C2CD3: variants seen among roughly 807,000 people sequenced by gnomAD.
C2CD3 encodes the protein C2 domain containing 3 centriole elongation regulator.
C2CD3 carries 148 observed loss-of-function variants against 234.0 expected under a neutral mutation model. The observed-to-expected ratio is 0.63, with a 90% CI of 0.55 to 0.72. C2CD3 has a LOEUF of 0.72. C2CD3 is among the 30% of genes least tolerant of loss of function. C2CD3 has a pLI of 0.00. For synonymous variants in C2CD3, 1,000 were observed against 1,035.4 expected (o/e 0.97, Z 0.66); for missense variants, 2,577 against 2,811.5 (o/e 0.92, Z 1.89).
At position 74,032,736 on chromosome 11, in the gene C2CD3, A is replaced by G. The variant is rs1952573976; in HGVS notation, c.6809+615T>C. ...AAAAATTAGCTGGGTGTGATGCTGC[A>G]TACCTGTAGTTCTAGCTACTTGCAA... On this transcript the variant is annotated intron_variant, in intron 31 of 32. Coordinates refer to ENST00000334126, the MANE Select transcript of C2CD3 (RefSeq NM_001286577.2). Among the ~76,000 whole-genome samples, 2 of 152,054 alleles carry G rather than the reference A, an allele frequency of 1.3e-5. 1 individual carries two copies. Among genetic ancestry groups the G allele is most frequent in the South Asian group, 4.1e-4 (2 of 4,822 alleles).
chr11:74,117,847 A>G (rs1957080931), intron 9 of C2CD3, among the ~76,000 whole-genome samples: 1 of 147,336 alleles, frequency 6.8e-6, no homozygotes, highest in Admixed American at 6.9e-5. Flanking sequence ...TGGGAGGTGG[A>G]GGTTGCGGTG....
intron 6 of C2CD3, 23 bp from the exon 7 acceptor site, chr11:74,132,995 C>T: frequency 1.9e-6 from 3 of 1,611,506 alleles, no homozygotes; most frequent in Non-Finnish European, 2.5e-6. Flanking sequence ...AAAATACTTT[C>T]TCACTGAGTG....
At chr11:74,101,129 C>T (rs1314427493) in intron 14 of C2CD3, among the ~76,000 whole-genome samples, 1 of 152,126 alleles carries the variant, frequency 6.6e-6, no homozygotes, top group South Asian at 2.1e-4. Flanking sequence ...AATAAAATGG[C>T]CAAGTGCCAA....
intron 24 of C2CD3, among the ~76,000 whole-genome samples, chr11:74,062,617 T>G (rs1954299703): frequency 6.6e-6 from 1 of 151,966 alleles, no homozygotes; most frequent in African/African-American, 2.4e-5. Flanking sequence ...TGGGACACAT[T>G]TAAAGCAGTG....
At chr11:74,027,112 T>C (rs115628261) in intron 32 of C2CD3, among the ~76,000 whole-genome samples, 1,964 of 152,132 alleles carry the variant, frequency 0.013, 47 homozygotes, top group African/African-American at 0.045. Flanking sequence ...AGCCTCAGTT[T>C]CCTCATTTAT....
intron 32 of C2CD3, among the ~76,000 whole-genome samples, chr11:74,018,672 G>A (rs1318221983): frequency 4.6e-5 from 7 of 152,096 alleles, no homozygotes; most frequent in Admixed American, 3.9e-4. Flanking sequence ...AGTCTGGCCT[G>A]GACTAGAACT....
At chr11:74,091,491 C>T (rs1226767444) in intron 19 of C2CD3, 4 of 152,362 alleles carry the variant, frequency 2.6e-5, no homozygotes, top group Non-Finnish European at 4.4e-5. Context: ...ATTGTTTTGG[C>T]AGATACTCTT....
intron 15 of C2CD3, among the ~76,000 whole-genome samples, chr11:74,099,530 C>T (rs1279006379): frequency 1.3e-5 from 2 of 152,136 alleles, no homozygotes; most frequent in Admixed American, 6.5e-5. Context: ...AAACACAGAA[C>T]TATGAGAAGG....
chr11:74,104,521 G>A (rs1021672856), intron 13 of C2CD3, among the ~76,000 whole-genome samples: 1 of 152,018 alleles, frequency 6.6e-6, no homozygotes, highest in Admixed American at 6.6e-5. Flanking sequence ...CATGTATGGG[G>A]GGAGGAGATA....
intron 8 of C2CD3, among the ~76,000 whole-genome samples, chr11:74,121,630 G>C: frequency 7.9e-6 from 1 of 127,002 alleles, no homozygotes; most frequent in Non-Finnish European, 1.7e-5. Flanking sequence ...AAAAAAAAAA[G>C]AATTAAACAA....
Position 74,133,499 on chromosome 11 carries a change from T to C in C2CD3, c.1014A>G (p.Ser338=). 1 of 1,614,032 alleles carries C rather than the reference T, an allele frequency of 6.2e-7. No homozygotes were observed. Among genetic ancestry groups the C allele is most frequent in the Non-Finnish European group, 8.5e-7 (1 of 1,179,884 alleles). The change falls in exon 6 of 33, where the codon TCA becomes TCG. Residue 338 remains serine (S), a synonymous_variant. Coordinates refer to ENST00000334126, the MANE Select transcript of C2CD3 (RefSeq NM_001286577.2). ...CCAACAACATGCTGGTCTCTGGGCT[T>C]GATTTCATTGCAGAAATCACCATGG... ...RNAMVISAMK[S]SPETSMLLDQ...
intron 32 of C2CD3, among the ~76,000 whole-genome samples, chr11:74,020,498 C>T (rs1295229931): frequency 1.3e-5 from 2 of 152,200 alleles, no homozygotes; most frequent in African/African-American, 2.4e-5. Flanking sequence ...CTAATATAGG[C>T]AAATGTCATT....
rs1356626353 is a variant in C2CD3 at position 74,132,859 on chromosome 11, TG to T, written c.1201del (p.Gln401SerfsTer4). 3 of 1,613,622 alleles carry T rather than the reference TG, an allele frequency of 1.9e-6. No individual in the cohort carries two copies. The highest frequency in any genetic ancestry group is 2.5e-6 in the Non-Finnish European group (3 of 1,179,854). ...TAGTGCTTACCTGCCTAATAGCAGC[TG>T]TATAGCTCTGGTATCAGCTTTTGTG... The part of the protein sequence containing the change: ...HDTKADTRAI[Q>X]LLLGSAELSQ... On this transcript the variant is annotated frameshift_variant, in exon 7 of 33. Transcript: ENST00000334126. LOFTEE classifies it high-confidence loss of function.
At chr11:74,081,356 C>T (rs1955350149) in intron 22 of C2CD3, among the ~76,000 whole-genome samples, 1 of 152,046 alleles carries the variant, frequency 6.6e-6, no homozygotes, top group African/African-American at 2.4e-5. Context: ...TATCCCATGT[C>T]CTTATTCCTT....
intron 31 of C2CD3, among the ~76,000 whole-genome samples, chr11:74,032,560 T>C (rs1591292040): frequency 6.6e-6 from 1 of 152,274 alleles, no homozygotes; most frequent in Non-Finnish European, 1.5e-5. Context: ...TTTAGCTCCA[T>C]CACTTCCTTT....
intron 24 of C2CD3, among the ~76,000 whole-genome samples, chr11:74,061,500 C>A (rs1263192143): frequency 1.3e-5 from 2 of 152,166 alleles, no homozygotes; most frequent in Non-Finnish European, 2.9e-5. Flanking sequence ...GAATTTTCAA[C>A]CCAGAATTTC....
intron 20 of C2CD3, among the ~76,000 whole-genome samples, chr11:74,086,181 A>G (rs1955633811): frequency 6.6e-6 from 1 of 152,232 alleles, no homozygotes; most frequent in African/African-American, 2.4e-5. Flanking sequence ...ACTCTAGTTG[A>G]ACAAGCTGGG....
intron 3 of C2CD3, among the ~76,000 whole-genome samples, chr11:74,147,226 G>C (rs1855267030): frequency 6.6e-6 from 1 of 152,020 alleles, no homozygotes; most frequent in Non-Finnish European, 1.5e-5. Flanking sequence ...ACCAGCTTGG[G>C]CAACATCTCA....
chr11:74,096,196 G>A (rs554506389), intron 16 of C2CD3, among the ~76,000 whole-genome samples: 2 of 152,250 alleles, frequency 1.3e-5, no homozygotes, highest in African/African-American at 2.4e-5. Flanking sequence ...TAGACTCAAC[G>A]TAGTCTGACT....
Sources: allele counts gnomAD v4.1 joint callset (sites outside exome capture counted in the v4.1 genomes callset), GRCh38; gene constraint gnomAD v4.1.1; transcripts MANE v1.5; gene names NCBI Gene and HGNC (gene_info 2026-07-23, HGNC 2026-07-21).